Variants in PRDM5 observed in about 807,000 individuals in gnomAD.
PRDM5 encodes the protein PR/SET domain 5.
Under a neutral mutation model 81.2 loss-of-function variants are expected in PRDM5, and 56 were observed. That is an observed-to-expected ratio of 0.69 (90% CI 0.56 to 0.86). The LOEUF is 0.86. Ranked by LOEUF, PRDM5 falls within the 40% of genes least tolerant of loss-of-function variation. The pLI is 0.00. For missense variants in PRDM5, 697 were observed against 770.1 expected, an observed-to-expected ratio of 0.91 and a Z score of 1.12; for synonymous variants, 267 against 256.4, an observed-to-expected ratio of 1.04 and a Z score of -0.39.
intron 14 of PRDM5, among the ~76,000 whole-genome samples, chr4:120,711,854 T>C (rs1737038577): frequency 6.6e-6 from 1 of 152,190 alleles, no homozygotes; most frequent in South Asian, 2.1e-4. Context: ...AATTGTGAAA[T>C]AAATTAATTA....
At chr4:120,791,998 G>A (rs1016434529) in intron 10 of PRDM5, among the ~76,000 whole-genome samples, 2 of 152,260 alleles carry the variant, frequency 1.3e-5, no homozygotes, top group Middle Eastern at 3.4e-3. Context: ...CCAGAACTGT[G>A]AGAAATAACT....
intron 11 of PRDM5, among the ~76,000 whole-genome samples, chr4:120,782,323 T>C (rs1749155349): frequency 6.6e-6 from 1 of 152,140 alleles, no homozygotes; most frequent in Non-Finnish European, 1.5e-5. Flanking sequence ...TAATTAAATT[T>C]CTATATCTAA....
intron 12 of PRDM5, 27 bp from the exon 13 acceptor site, chr4:120,777,308 A>G (rs1249318021): frequency 1.2e-6 from 2 of 1,612,828 alleles, no homozygotes; most frequent in Non-Finnish European, 1.7e-6. Context: ...AAAAAGGCTA[A>G]GGATAAATAC....
At chr4:120,714,155 T>C (rs1241123326) in intron 14 of PRDM5, among the ~76,000 whole-genome samples, 2 of 152,196 alleles carry the variant, frequency 1.3e-5, no homozygotes, top group Non-Finnish European at 2.9e-5. Context: ...GCTTTACACA[T>C]GATTAACAAT....
chr4:120,698,700 A>C (rs1241402116), intron 15 of PRDM5, among the ~76,000 whole-genome samples: 1 of 152,152 alleles, frequency 6.6e-6, no homozygotes, highest in Non-Finnish European at 1.5e-5. Context: ...GTCTCAAAAA[A>C]TGGTCCGACC....
chr4:120,849,405 A>G (rs1311253241), intron 3 of PRDM5, among the ~76,000 whole-genome samples: 1 of 152,186 alleles, frequency 6.6e-6, no homozygotes, highest in East Asian at 1.9e-4. Flanking sequence ...TGAGCATTCT[A>G]AACTGACAGC....
At chr4:120,915,978 G>A (rs1046566755) in intron 1 of PRDM5, among the ~76,000 whole-genome samples, 5 of 152,138 alleles carry the variant, frequency 3.3e-5, no homozygotes, top group East Asian at 3.9e-4. Context: ...ACAAGAGCAG[G>A]GCAGAAGGGC....
intron 2 of PRDM5, 47 bp from the exon 3 acceptor site, chr4:120,853,587 A>G: frequency 6.2e-7 from 1 of 1,612,404 alleles, no homozygotes; most frequent in Non-Finnish European, 8.5e-7. Context: ...TCAGAATATT[A>G]GCCTTTAAAC....
intron 14 of PRDM5, among the ~76,000 whole-genome samples, chr4:120,724,227 T>C (rs1739073397): frequency 6.6e-6 from 1 of 152,098 alleles, no homozygotes; most frequent in Non-Finnish European, 1.5e-5. Context: ...AAAGTCTCCA[T>C]GCGGTATTAG....
chr4:120,893,445 C>T (rs1205194750), intron 2 of PRDM5, among the ~76,000 whole-genome samples: 4 of 152,184 alleles, frequency 2.6e-5, no homozygotes, highest in Non-Finnish European at 5.9e-5. Context: ...CTCTAGTCCA[C>T]CATTTTGGCC....
At chr4:120,892,902 G>A (rs922682952) in intron 2 of PRDM5, among the ~76,000 whole-genome samples, 3 of 150,654 alleles carry the variant, frequency 2.0e-5, no homozygotes, top group Non-Finnish European at 3.0e-5. Flanking sequence ...GAAGGTTGCA[G>A]CTGCACCAAG....
intron 14 of PRDM5, among the ~76,000 whole-genome samples, chr4:120,743,997 A>G (rs1045022514): frequency 6.6e-6 from 1 of 152,028 alleles, no homozygotes; most frequent in Non-Finnish European, 1.5e-5. Context: ...GCACCACACC[A>G]CACCTATTCC....
intron 13 of PRDM5, among the ~76,000 whole-genome samples, chr4:120,759,173 C>T (rs2149171010): frequency 6.6e-6 from 1 of 152,240 alleles, no homozygotes; most frequent in East Asian, 1.9e-4. Context: ...GTATTTCTAC[C>T]CCATGCCACC....
chr4:120,832,864 A>G (rs1167714000), intron 3 of PRDM5, among the ~76,000 whole-genome samples: 2 of 152,148 alleles, frequency 1.3e-5, no homozygotes, highest in African/African-American at 2.4e-5. Context: ...TCAAATCTTT[A>G]AAAAAGATTA....
chr4:120,707,468 A>G (rs1736355359), intron 15 of PRDM5, among the ~76,000 whole-genome samples: 1 of 152,028 alleles, frequency 6.6e-6, no homozygotes. Context: ...AAAACCCACT[A>G]TATTCAATAG....
At position 120,870,400 on chromosome 4, in the gene PRDM5, G is replaced by A. The variant is rs1451500681; in HGVS notation, c.178-16860C>T. ...TTATTTCATTCGATAAACATTGTTT[G>A]CACTAATAAAGATCAACATCTAGGA... On this transcript the variant is annotated intron_variant, in intron 2 of 15. Transcript: ENST00000264808. Among the ~76,000 whole-genome samples the A allele has an allele frequency of 2.0e-5, 3 of 152,108 alleles. No individual in the cohort carries two copies. The East Asian group carries it at 5.8e-4, about 29-fold the overall frequency.
intron 3 of PRDM5, among the ~76,000 whole-genome samples, chr4:120,826,845 A>G (rs1377672890): frequency 6.6e-6 from 1 of 152,194 alleles, no homozygotes; most frequent in African/African-American, 2.4e-5. Flanking sequence ...AGGAAGGGTC[A>G]AGGATGAGTC....
chr4:120,814,110 T>A (rs1754194662), intron 7 of PRDM5, among the ~76,000 whole-genome samples: 1 of 152,176 alleles, frequency 6.6e-6, no homozygotes, highest in Non-Finnish European at 1.5e-5. Flanking sequence ...AGAATGTAGA[T>A]AAATGTTATC....
intron 14 of PRDM5, among the ~76,000 whole-genome samples, chr4:120,726,645 A>C (rs547238446): frequency 2.0e-5 from 3 of 152,250 alleles, no homozygotes; most frequent in Non-Finnish European, 4.4e-5. Flanking sequence ...TAAAGAAACT[A>C]AGCCTGAATG....
Sources: allele counts gnomAD v4.1 joint callset (sites outside exome capture counted in the v4.1 genomes callset), GRCh38; gene constraint gnomAD v4.1.1; transcripts MANE v1.5; gene names NCBI Gene and HGNC (gene_info 2026-07-23, HGNC 2026-07-21).